DNAH11: variants seen among roughly 807,000 people sequenced by gnomAD.
The protein encoded by DNAH11 is dynein axonemal heavy chain 11.
A neutral mutation model predicts 526.0 loss-of-function variants in DNAH11; 442 were observed. The ratio of observed to expected loss-of-function variants is 0.84; its 90% confidence interval spans 0.78 to 0.91. The LOEUF is 0.91. Among genes scored for constraint, DNAH11 ranks in the 40% least tolerant of loss-of-function variants. DNAH11 has a pLI of 0.00. For synonymous variants in DNAH11, 2,461 were observed against 1,935.9 expected, an observed-to-expected ratio of 1.27 and a Z score of -7.12; for missense variants, 6,989 against 5,448.7, an observed-to-expected ratio of 1.28 and a Z score of -8.90.
chr7:21,824,687 A>T (rs918005961), intron 65 of DNAH11, among the ~76,000 whole-genome samples: 5 of 152,304 alleles, frequency 3.3e-5, no homozygotes, highest in African/African-American at 1.2e-4. Context: ...TTATCACTTC[A>T]TTGTTTTATT....
intron 2 of DNAH11, among the ~76,000 whole-genome samples, chr7:21,556,252 G>C (rs1783214580): frequency 6.6e-6 from 1 of 152,092 alleles, no homozygotes; most frequent in Non-Finnish European, 1.5e-5. Context: ...TGACTTTCTA[G>C]GTGCATGAGC....
intron 45 of DNAH11, among the ~76,000 whole-genome samples, chr7:21,729,000 G>A (rs949050484): frequency 3.9e-5 from 6 of 152,232 alleles, no homozygotes; most frequent in Admixed American, 6.5e-5. Context: ...GGCACTGGGC[G>A]GTAGCATCCT....
Position 21,745,018 on chromosome 7 carries a change from A to G in DNAH11, c.8465A>G (p.Asn2822Ser). ...TETLDNYNEL[N>S]AAMHLVLFED... ...ACGTTAGACAACTACAATGAACTAA[A>G]TGCTGCCATGCACCTAGTTTTGTTT... Residue 2822 changes from asparagine to serine, a missense_variant, in exon 51 of 82, where the codon AAT becomes AGT. Coordinates refer to ENST00000409508, the MANE Select transcript of DNAH11 (RefSeq NM_001277115.2). The G allele has an allele frequency of 6.2e-7, 1 of 1,610,100 alleles. No individual in the cohort carries two copies. Among genetic ancestry groups the G allele is most frequent in the Non-Finnish European group, 8.5e-7 (1 of 1,178,152 alleles).
At chr7:21,720,929 T>C (rs1784852326) in intron 44 of DNAH11, 73 bp downstream of exon 44, 2 of 1,550,590 alleles carry the variant, frequency 1.3e-6, no homozygotes, top group South Asian at 1.2e-5. Context: ...GGTTAAAACA[T>C]GTGATCTGTA....
intron 65 of DNAH11, among the ~76,000 whole-genome samples, chr7:21,823,532 T>G (rs551410051): frequency 6.6e-6 from 1 of 152,176 alleles, no homozygotes; most frequent in Non-Finnish European, 1.5e-5. Context: ...TTATTTAATG[T>G]CTCCTTTACA....
Position 21,716,218 on chromosome 7 carries a change from T to C in DNAH11, c.6984-1557T>C, listed in dbSNP as rs772454490. Among the ~76,000 whole-genome samples, 23 of 152,254 alleles carry C rather than the reference T, an allele frequency of 1.5e-4. No individual in the cohort carries two copies. The Middle Eastern group carries it at 0.014, about 90-fold the overall frequency. On this transcript the variant is annotated intron_variant, in intron 42 of 81. Transcript: ENST00000409508. ...TTGTTATATCCACCAGAATCCAGGA[T>C]GCCAACTCTTGTGCCCAATAGGACG...
intron 63 of DNAH11, among the ~76,000 whole-genome samples, chr7:21,813,222 A>G (rs1289287691): frequency 6.6e-6 from 1 of 152,010 alleles, no homozygotes; most frequent in Non-Finnish European, 1.5e-5. Flanking sequence ...GGACAGAGTC[A>G]TAGGCAAGTT....
At chr7:21,837,928 ACATCT>A (rs1344118925) in intron 65 of DNAH11, among the ~76,000 whole-genome samples, 6 of 152,166 alleles carry the variant, frequency 3.9e-5, no homozygotes, top group Admixed American at 2.6e-4. Flanking sequence ...ATGTATTGAA[ACATCT>A]CATGGGGCCC....
chr7:21,697,967 C>T, intron 35 of DNAH11, 108 bp from the exon 36 acceptor site: 1 of 1,141,402 alleles, frequency 8.8e-7, no homozygotes, highest in Non-Finnish European at 1.2e-6. Flanking sequence ...TAATTATGAT[C>T]TGCTTAGGAA....
chr7:21,847,452 T>G (rs185301868), intron 66 of DNAH11, among the ~76,000 whole-genome samples: 1 of 152,368 alleles, frequency 6.6e-6, no homozygotes, highest in East Asian at 1.9e-4. Context: ...CCATGTGTTA[T>G]TTTAAACTGT....
At position 21,738,856 on chromosome 7, in the gene DNAH11, T is replaced by G; in HGVS notation, c.7801T>G (p.Tyr2601Asp). 6.3e-7 allele frequency: 1 copy of G among 1,597,534 alleles called. No individual in the cohort carries two copies. Among genetic ancestry groups the G allele is most frequent in the South Asian group, 1.2e-5 (1 of 85,834 alleles). Residue 2601 changes from tyrosine to aspartate, a missense_variant, in exon 47 of 82, where the codon TAT (tyrosine) becomes GAT (aspartate). Physicochemically the swap from Tyr to Asp is radical, Grantham distance 160. Transcript: ENST00000409508. ...PHTLIRQHIDYGHWYDRQKVM... is the reference protein window; with the variant it reads ...PHTLIRQHIDDGHWYDRQKVM... ...CACCCTGATCCGGCAGCATATTGATTATGGACATTGGTAAGCAAGTCTCTG... is the reference window on the plus strand; with the variant it reads ...CACCCTGATCCGGCAGCATATTGATGATGGACATTGGTAAGCAAGTCTCTG...
chr7:21,706,392 G>A (rs1433727553), intron 39 of DNAH11, among the ~76,000 whole-genome samples: 1 of 152,054 alleles, frequency 6.6e-6, no homozygotes, highest in East Asian at 1.9e-4. Context: ...TGAGATTTTA[G>A]AGGATGGCAG....
chr7:21,828,663 A>G (rs1331429094), intron 65 of DNAH11, among the ~76,000 whole-genome samples: 1 of 152,108 alleles, frequency 6.6e-6, no homozygotes, highest in African/African-American at 2.4e-5. Flanking sequence ...TTTTGATGCT[A>G]CATTATGATG....
At chr7:21,786,890 G>A (rs1788218284) in intron 59 of DNAH11, 123 bp downstream of exon 59, 2 of 1,362,164 alleles carry the variant, frequency 1.5e-6, no homozygotes, top group Non-Finnish European at 2.0e-6. Flanking sequence ...GTTGCTGAAT[G>A]TAATCTACTG....
chr7:21,722,526 G>A (rs1252632070), intron 44 of DNAH11, among the ~76,000 whole-genome samples: 2 of 152,006 alleles, frequency 1.3e-5, no homozygotes, highest in African/African-American at 2.4e-5. Context: ...TAATCTGTTG[G>A]CCAGTTCCAC....
chr7:21,583,345 C>A (rs2128441294), intron 9 of DNAH11, among the ~76,000 whole-genome samples: 1 of 152,272 alleles, frequency 6.6e-6, no homozygotes, highest in East Asian at 1.9e-4. Flanking sequence ...GGAAAGGATT[C>A]CCTATTTAAT....
intron 35 of DNAH11, among the ~76,000 whole-genome samples, chr7:21,694,035 T>C (rs2128475860): frequency 6.6e-6 from 1 of 152,224 alleles, no homozygotes; most frequent in East Asian, 1.9e-4. Flanking sequence ...CCACCATTCA[T>C]GAAGAATGGG....
At chr7:21,638,841 C>G in intron 27 of DNAH11, 98 bp from the exon 28 acceptor site, 1 of 1,391,386 alleles carries the variant, frequency 7.2e-7, no homozygotes, top group South Asian at 1.4e-5. Context: ...AGTGAGTTTA[C>G]TATAATGAAT....
At chr7:21,788,947 T>C (rs1788313110) in intron 60 of DNAH11, among the ~76,000 whole-genome samples, 1 of 152,156 alleles carries the variant, frequency 6.6e-6, no homozygotes, top group Non-Finnish European at 1.5e-5. Flanking sequence ...CCAGAGAGAA[T>C]GTGGAAGGCT....
Sources: allele counts gnomAD v4.1 joint callset (sites outside exome capture counted in the v4.1 genomes callset), GRCh38; gene constraint gnomAD v4.1.1; transcripts MANE v1.5; gene names NCBI Gene and HGNC (gene_info 2026-07-23, HGNC 2026-07-21).